The following JCAD variants were observed in gnomAD, a reference collection of about 807,000 sequenced individuals.
JCAD encodes the protein junctional cadherin 5-associated protein.
In JCAD, 40 loss-of-function variants were observed where a neutral mutation model predicts 98.0. The observed-to-expected ratio is 0.41, with a 90% CI of 0.32 to 0.53. The LOEUF is 0.53. JCAD is among the 20% of genes least tolerant of loss of function. JCAD has a pLI of 0.31. For synonymous variants in JCAD, 691 were observed against 682.3 expected (o/e 1.01, Z -0.20); for missense variants, 1,705 against 1,738.1 (o/e 0.98, Z 0.34).
intron 1 of JCAD, among the ~76,000 whole-genome samples, chr10:30,110,357 A>G (rs1838669103): frequency 6.7e-6 from 1 of 150,368 alleles, no homozygotes; most frequent in African/African-American, 2.5e-5. Flanking sequence ...ACTCCCTGAT[A>G]TATGAGCCAG....
intron 1 of JCAD, among the ~76,000 whole-genome samples, chr10:30,086,721 C>A (rs749967922): frequency 6.6e-6 from 1 of 152,198 alleles, no homozygotes; most frequent in Admixed American, 6.5e-5. Flanking sequence ...GTCCACCAAG[C>A]CTTTTCAAAC....
chr10:30,023,998 C>T (rs1188414923), intron 3 of JCAD, among the ~76,000 whole-genome samples: 2 of 152,128 alleles, frequency 1.3e-5, no homozygotes, highest in African/African-American at 2.4e-5. Flanking sequence ...GACCTCATCT[C>T]TACAAATAAC....
intron 2 of JCAD, among the ~76,000 whole-genome samples, chr10:30,066,260 A>C (rs1209068299): frequency 6.6e-6 from 1 of 152,194 alleles, no homozygotes; most frequent in Admixed American, 6.5e-5. Context: ...GAGAGTGACA[A>C]ACAATTTTTC....
chr10:30,079,181 T>C (rs1838031150), intron 1 of JCAD, among the ~76,000 whole-genome samples: 1 of 151,872 alleles, frequency 6.6e-6, no homozygotes, highest in Admixed American at 6.6e-5. Context: ...ACCCCGTCCC[T>C]ACTAAAAATA....
intron 1 of JCAD, among the ~76,000 whole-genome samples, chr10:30,103,348 G>A (rs531526245): frequency 8.5e-5 from 13 of 152,128 alleles, no homozygotes; most frequent in African/African-American, 2.6e-4. Flanking sequence ...AAAACAGTAC[G>A]GTTGTTCCTC....
At chr10:30,090,898 G>A (rs547376800) in intron 1 of JCAD, among the ~76,000 whole-genome samples, 6 of 152,334 alleles carry the variant, frequency 3.9e-5, no homozygotes, top group African/African-American at 1.4e-4. Flanking sequence ...AGAAATGCCA[G>A]CCGGATGCAG....
intron 1 of JCAD, among the ~76,000 whole-genome samples, chr10:30,077,836 C>T (rs1028471325): frequency 2.6e-5 from 4 of 152,194 alleles, no homozygotes; most frequent in Non-Finnish European, 5.9e-5. Context: ...GAGTTTTCTC[C>T]ACCTTTGGCC....
intron 1 of JCAD, among the ~76,000 whole-genome samples, chr10:30,053,757 T>A (rs1837514557): frequency 6.6e-6 from 1 of 151,260 alleles, no homozygotes; most frequent in African/African-American, 2.4e-5. Context: ...AATGTCTAAT[T>A]TAGTAAAAAA....
chr10:30,089,570 A>AG (rs1342549088), intron 1 of JCAD, among the ~76,000 whole-genome samples: 1 of 149,452 alleles, frequency 6.7e-6, no homozygotes, highest in Non-Finnish European at 1.5e-5. Flanking sequence ...AATGGCTGTC[A>AG]GGGATGGAAA....
At chr10:30,048,532 C>T (rs1399033631) in intron 1 of JCAD, among the ~76,000 whole-genome samples, 1 of 152,040 alleles carries the variant, frequency 6.6e-6, no homozygotes, top group African/African-American at 2.4e-5. Flanking sequence ...ACACCCAATT[C>T]ACTACACAAG....
At position 30,081,406 on chromosome 10, in the gene JCAD, C is replaced by T. The variant is rs535583094; in HGVS notation, n.129-11585G>A. 7.9e-5 allele frequency among the ~76,000 whole-genome samples: 12 copies of T among 152,198 alleles called. No homozygotes were observed. The East Asian group carries it at 1.2e-3, about 15-fold the overall frequency. On this transcript the variant is annotated intron_variant and non_coding_transcript_variant, in intron 1 of 2. Transcript: ENST00000465712. ...AACAAACAAGTTGGGTAAGTGAAGG[C>T]GTAGAGCTGAATCTGAGCCCAATGT... is the stretch of plus-strand genomic sequence containing the variant.
chr10:30,022,718 C>T (rs1182867701), intron 3 of JCAD, among the ~76,000 whole-genome samples: 1 of 152,196 alleles, frequency 6.6e-6, no homozygotes, highest in African/African-American at 2.4e-5. Flanking sequence ...CACAGAACAA[C>T]ATCTTGGTCA....
chr10:30,053,607 C>A (rs1019679965), intron 1 of JCAD, among the ~76,000 whole-genome samples: 2 of 150,152 alleles, frequency 1.3e-5, no homozygotes, highest in Non-Finnish European at 3.0e-5. Context: ...TAATATGTAA[C>A]AAAATCTTTA....
At chr10:30,018,793 T>G (rs931340194) in intron 3 of JCAD, among the ~76,000 whole-genome samples, 18 of 152,112 alleles carry the variant, frequency 1.2e-4, no homozygotes, top group African/African-American at 3.9e-4. Flanking sequence ...TTCTTATTTT[T>G]TAAAGAGAAA....
intron 1 of JCAD, among the ~76,000 whole-genome samples, chr10:30,071,270 C>T (rs1298079064): frequency 6.6e-6 from 1 of 152,198 alleles, no homozygotes; most frequent in Admixed American, 6.5e-5. Context: ...TGTGACCTCA[C>T]ATGACAAATT....
chr10:30,091,019 C>T (rs945027656), intron 1 of JCAD, among the ~76,000 whole-genome samples: 1 of 152,210 alleles, frequency 6.6e-6, no homozygotes, highest in Non-Finnish European at 1.5e-5. Flanking sequence ...GGTGCACACG[C>T]TGGTCGTCAT....
Position 30,028,918 on chromosome 10 carries a change from A to G in JCAD, c.1230T>C (p.His410=). 6.2e-7 allele frequency: 1 copy of G among 1,614,054 alleles called. No individual in the cohort carries two copies. Residue 410 remains histidine, a synonymous_variant, in exon 3 of 4, where the codon CAT becomes CAC. Transcript: ENST00000375377. Reference sequence around the variant, plus strand: ...CGTCATAGGCAGTGACAGGTCGGGGATGTGCGGGGAGCCCCTGAGGCAAGC... The same window carrying G: ...CGTCATAGGCAGTGACAGGTCGGGGGTGTGCGGGGAGCCCCTGAGGCAAGC... ...SPRLPQGLPA[H]PRPVTAYDGF...
Position 30,028,569 on chromosome 10 carries a change from G to T in JCAD, c.1579C>A (p.Pro527Thr), listed in dbSNP as rs375611705. The change falls in exon 3 of 4, where the codon CCT (proline) becomes ACT (threonine). Residue 527 changes from proline to threonine, a missense_variant. Physicochemically the swap from Pro to Thr is conservative, Grantham distance 38 (BLOSUM62 -1). This residue lies in a region of JCAD where 1,278 missense variants were observed against 1,243.1 expected (regional missense o/e 1.03). Transcript: ENST00000375377. The stretch of plus-strand genomic sequence containing the variant: ...CCGTGCTGGCTGCCTCTCACATCAG[G>T]CCACTGTCCCCTTGCCACACAGCGG... Reference protein sequence around the residue: ...RDRCVARGQWPDVRGSQHGHT... With the variant: ...RDRCVARGQWTDVRGSQHGHT... The T allele has an allele frequency of 7.4e-5, 119 of 1,614,180 alleles. No individual in the cohort carries two copies. The Middle Eastern group carries it at 9.9e-4, about 13-fold the overall frequency.
chr10:30,094,831 G>A (rs2132700921), intron 1 of JCAD, among the ~76,000 whole-genome samples: 1 of 152,184 alleles, frequency 6.6e-6, no homozygotes, highest in Middle Eastern at 3.4e-3. Flanking sequence ...CCGAATATCT[G>A]TCTCCCTGAT....
Sources: allele counts gnomAD v4.1 joint callset (sites outside exome capture counted in the v4.1 genomes callset), GRCh38; gene constraint gnomAD v4.1.1; regional missense constraint gnomAD v4.1.1; transcripts MANE v1.5; gene names NCBI Gene and HGNC (gene_info 2026-07-23, HGNC 2026-07-21).